The following NALCN variants were observed in gnomAD, a reference collection of about 807,000 sequenced individuals.
The protein encoded by NALCN is sodium leak channel NALCN.
NALCN carries 111 observed loss-of-function variants against 225.3 expected under a neutral mutation model. That is an observed-to-expected ratio of 0.49 (90% CI 0.42 to 0.58). The LOEUF (loss-of-function observed/expected upper bound fraction) is 0.58. NALCN is among the 20% of genes least tolerant of loss of function. The pLI is 0.00. For synonymous variants in NALCN, 764 were observed against 769.0 expected, an observed-to-expected ratio of 0.99 and a Z score of 0.11; for missense variants, 1,378 against 2,202.4, an observed-to-expected ratio of 0.63 and a Z score of 7.49.
At chr13:101,061,348 A>C (rs1325354008) in intron 41 of NALCN, among the ~76,000 whole-genome samples, 1 of 151,894 alleles carries the variant, frequency 6.6e-6, no homozygotes, top group African/African-American at 2.4e-5. Flanking sequence ...TGAACAGTTG[A>C]GTTTAATAAA....
intron 9 of NALCN, among the ~76,000 whole-genome samples, chr13:101,284,857 G>C (rs2043285127): frequency 6.6e-6 from 1 of 152,130 alleles, no homozygotes; most frequent in Non-Finnish European, 1.5e-5. Flanking sequence ...CACCCAGCTG[G>C]AAGACATTTC....
chr13:101,072,431 A>C (rs1247467293), intron 37 of NALCN, among the ~76,000 whole-genome samples: 2 of 151,796 alleles, frequency 1.3e-5, no homozygotes, highest in African/African-American at 4.8e-5. Context: ...GTCATCAAAA[A>C]CTCTCTCATT....
chr13:101,116,985 G>A (rs555490787), intron 18 of NALCN: 1 of 515,332 alleles, frequency 1.9e-6, no homozygotes, highest in East Asian at 5.5e-5. Flanking sequence ...TAATGGGTGA[G>A]CTCGTCGGTA....
intron 13 of NALCN, among the ~76,000 whole-genome samples, chr13:101,223,568 C>A (rs2041028442): frequency 6.6e-6 from 1 of 152,094 alleles, no homozygotes; most frequent in Admixed American, 6.5e-5. Context: ...AACACTTTCA[C>A]AAGCCCTACA....
At chr13:101,151,910 A>G (rs1286021752) in intron 15 of NALCN, among the ~76,000 whole-genome samples, 2 of 152,190 alleles carry the variant, frequency 1.3e-5, no homozygotes, top group East Asian at 3.9e-4. Flanking sequence ...GAAATCCAAT[A>G]CAGAATTTCT....
rs747693182 is a variant in NALCN at position 101,263,225 on chromosome 13, C to G, written c.1135-4651G>C. The stretch of plus-strand genomic sequence containing the variant: ...CTTTGACTTTATTTTACAGGTAATA[C>G]AAAAATCAAATTCCAGAGCTGCCAA... On this transcript the variant is annotated intron_variant, in intron 10 of 43. Coordinates refer to ENST00000251127, the MANE Select transcript of NALCN (RefSeq NM_052867.4). Among the ~76,000 whole-genome samples the G allele has an allele frequency of 2.6e-5, 4 of 152,106 alleles. No homozygotes were observed. In the East Asian group the frequency reaches 5.8e-4, roughly 22 times the overall value.
intron 2 of NALCN, 120 bp from the exon 3 acceptor site, chr13:101,395,485 T>C: frequency 1.1e-6 from 1 of 881,932 alleles, no homozygotes. Context: ...AATGTGGAGG[T>C]GAAGAAGAAG....
intron 13 of NALCN, among the ~76,000 whole-genome samples, chr13:101,205,352 AAATAT>A: frequency 6.6e-6 from 1 of 151,966 alleles, no homozygotes; most frequent in South Asian, 2.1e-4. Context: ...ATTTTTATGA[AAATAT>A]AAAATTACAA....
intron 20 of NALCN, among the ~76,000 whole-genome samples, chr13:101,110,001 C>T (rs545212276): frequency 1.7e-4 from 26 of 152,280 alleles, no homozygotes; most frequent in South Asian, 4.1e-4. Context: ...TATCTGTCTC[C>T]TATTCTAAAA....
chr13:101,340,141 G>A (rs1170806529), intron 7 of NALCN, among the ~76,000 whole-genome samples: 16 of 152,008 alleles, frequency 1.1e-4, no homozygotes, highest in African/African-American at 3.1e-4. Flanking sequence ...GGTGATGGGC[G>A]CCTGTAGTCC....
chr13:101,214,091 TAC>T (rs2040629142), intron 13 of NALCN, among the ~76,000 whole-genome samples: 1 of 152,220 alleles, frequency 6.6e-6, no homozygotes, highest in Non-Finnish European at 1.5e-5. Flanking sequence ...GGCACATGTA[TAC>T]ACCATGGAAT....
intron 13 of NALCN, among the ~76,000 whole-genome samples, chr13:101,206,741 TATATAC>T (rs1486945440): frequency 6.7e-6 from 1 of 149,504 alleles, no homozygotes; most frequent in African/African-American, 2.5e-5. Flanking sequence ...TATATATATA[TATATAC>T]ACATATAACA....
intron 6 of NALCN, among the ~76,000 whole-genome samples, chr13:101,350,108 C>A (rs1044678609): frequency 6.6e-6 from 1 of 152,156 alleles, no homozygotes; most frequent in African/African-American, 2.4e-5. Context: ...GGCCACCCTG[C>A]CTCCCACTCT....
intron 11 of NALCN, among the ~76,000 whole-genome samples, chr13:101,257,602 C>G (rs2042282158): frequency 1.3e-5 from 2 of 151,834 alleles, no homozygotes; most frequent in East Asian, 1.9e-4. Flanking sequence ...TTTTTTCTGT[C>G]TTTTCAGTTT....
intron 18 of NALCN, among the ~76,000 whole-genome samples, chr13:101,121,968 T>TAAA (rs1176589661): frequency 3.7e-4 from 54 of 147,420 alleles, no homozygotes; most frequent in African/African-American, 1.2e-3. Flanking sequence ...TTTTTTTTTT[T>TAAA]AAAAAAAATT....
intron 17 of NALCN, among the ~76,000 whole-genome samples, chr13:101,135,831 A>T (rs1195999020): frequency 6.6e-6 from 1 of 152,228 alleles, no homozygotes; most frequent in Non-Finnish European, 1.5e-5. Flanking sequence ...GAAAAAGTTT[A>T]AAAAGAAGAG....
chr13:101,106,660 A>G (rs9582447), intron 22 of NALCN, among the ~76,000 whole-genome samples: 6,684 of 152,190 alleles, frequency 0.044, 466 homozygotes, highest in African/African-American at 0.15. Flanking sequence ...GGTGGTGAAT[A>G]AGTCTCATGA....
At chr13:101,182,318 TAGG>T (rs2039273851) in intron 14 of NALCN, among the ~76,000 whole-genome samples, 1 of 152,040 alleles carries the variant, frequency 6.6e-6, no homozygotes. Flanking sequence ...TTGCTGTGGA[TAGG>T]AGAAGGCAAG....
intron 10 of NALCN, among the ~76,000 whole-genome samples, chr13:101,278,400 G>A (rs2043032744): frequency 6.6e-6 from 1 of 151,824 alleles, no homozygotes; most frequent in South Asian, 2.1e-4. Flanking sequence ...GCGCATGCCT[G>A]TAGTCCCAGC....
Sources: allele counts gnomAD v4.1 joint callset (sites outside exome capture counted in the v4.1 genomes callset), GRCh38; gene constraint gnomAD v4.1.1; transcripts MANE v1.5; gene names NCBI Gene and HGNC (gene_info 2026-07-23, HGNC 2026-07-21).